The following RIPOR2 variants were observed in gnomAD, a reference collection of about 807,000 sequenced individuals.
RIPOR2 encodes the protein RHO family interacting cell polarization regulator 2.
Under a neutral mutation model 114.5 loss-of-function variants are expected in RIPOR2, and 39 were observed. That is an observed-to-expected ratio of 0.34 (90% CI 0.26 to 0.44). RIPOR2 has a LOEUF of 0.44. RIPOR2 is among the 20% of genes least tolerant of loss of function. The pLI, the probability that RIPOR2 is intolerant of heterozygous loss-of-function variation, is 1.00. For synonymous variants in RIPOR2, 445 were observed against 484.4 expected, an observed-to-expected ratio of 0.92 and a Z score of 1.07; for missense variants, 1,007 against 1,255.1, an observed-to-expected ratio of 0.80 and a Z score of 2.99.
intron 1 of RIPOR2, among the ~76,000 whole-genome samples, chr6:24,885,074 C>A (rs1766702212): frequency 6.6e-6 from 1 of 152,024 alleles, no homozygotes; most frequent in Non-Finnish European, 1.5e-5. Flanking sequence ...GTCCAAGATC[C>A]AAAGACAACC....
At chr6:24,864,321 C>T (rs1764370506) in intron 7 of RIPOR2, among the ~76,000 whole-genome samples, 1 of 152,106 alleles carries the variant, frequency 6.6e-6, no homozygotes, top group African/African-American at 2.4e-5. Flanking sequence ...CAGAGCAAGA[C>T]TCTATCTCTC....
intron 1 of RIPOR2, among the ~76,000 whole-genome samples, chr6:24,918,420 T>C (rs1308345150): frequency 6.6e-6 from 1 of 152,220 alleles, no homozygotes; most frequent in Non-Finnish European, 1.5e-5. Context: ...TCATTTCTCT[T>C]TCCATTGTAG....
At chr6:24,977,082 C>A in intron 1 of RIPOR2, 1 of 1,208,422 alleles carries the variant, frequency 8.3e-7, no homozygotes, top group Admixed American at 1.8e-5. Context: ...TATCTTTGTG[C>A]TCTTGCTGCA....
intron 1 of RIPOR2, among the ~76,000 whole-genome samples, chr6:24,993,006 A>T (rs1293863178): frequency 1.3e-5 from 2 of 152,192 alleles, no homozygotes; most frequent in Non-Finnish European, 2.9e-5. Context: ...TGAATGGAAG[A>T]CAAATTTGTT....
At position 24,861,256 on chromosome 6, in the gene RIPOR2, G is replaced by A. The variant is rs12664127; in HGVS notation, c.652-220C>T. On this transcript the variant is annotated intron_variant, in intron 7 of 21. Transcript: ENST00000643898. ...GGAAATTTAGGGCATAGATGAGCAA[G>A]TCAGATTATATCAAAAATAGACACA... Among the ~76,000 whole-genome samples, 32,460 of 152,106 alleles carry A rather than the reference G, an allele frequency of 0.21. 4,032 individuals are homozygous for A. The highest frequency in any genetic ancestry group is 0.33 in the East Asian group (1,727 of 5,178).
At chr6:24,953,922 T>C (rs147740590) in intron 1 of RIPOR2, among the ~76,000 whole-genome samples, 471 of 152,326 alleles carry the variant, frequency 3.1e-3, no homozygotes, top group African/African-American at 9.3e-3. Flanking sequence ...TCATTAAATT[T>C]GTCTGCTTTT....
Position 24,912,338 on chromosome 6 carries a change from A to AACCCC in RIPOR2, c.61+23495_61+23499dup, listed in dbSNP as rs139349220. ...CATTGATCCTTTTATTTCCCTTGCC[A>AACCCC]ACCCCACCCTGCAACTTATCTGCAA... On this transcript the variant is annotated intron_variant, in intron 1 of 21. Coordinates refer to ENST00000643898, the MANE Select transcript of RIPOR2 (RefSeq NM_001286445.3). Among the ~76,000 whole-genome samples the AACCCC allele has an allele frequency of 6.7e-3, 1,026 of 152,230 alleles. 17 individuals are homozygous for AACCCC. Among genetic ancestry groups the AACCCC allele is most frequent in the African/African-American group, 0.022 (911 of 41,530 alleles).
At position 24,835,826 on chromosome 6, in the gene RIPOR2, C is replaced by T. The variant is rs905211685; in HGVS notation, c.2085G>A (p.Ala695=). The part of the protein sequence containing the change: ...HPEARGHLSE[A]LTEDTGVGTS... ...TCCCAACTCCTGTGTCTTCAGTGAG[C>T]GCTTCACTGAGATGCCCCCTGGCTT... Residue 695 remains alanine (A), a synonymous_variant, in exon 15 of 22, where the codon GCG becomes GCA. Transcript: ENST00000643898. 9.7e-6 allele frequency: 15 copies of T among 1,551,384 alleles called. No individual in the cohort carries two copies. Among genetic ancestry groups the T allele is most frequent in the Non-Finnish European group, 1.1e-5 (13 of 1,146,926 alleles).
intron 1 of RIPOR2, among the ~76,000 whole-genome samples, chr6:24,944,097 T>C (rs777097850): frequency 1.3e-5 from 2 of 152,158 alleles, no homozygotes; most frequent in Admixed American, 1.3e-4. Flanking sequence ...CACATATTCC[T>C]GGGAATCTAG....
chr6:24,858,377 C>T lies in RIPOR2; in HGVS notation c.715+2596G>A, dbSNP rs768945452. Among the ~76,000 whole-genome samples, 9 of 152,002 alleles carry T rather than the reference C, an allele frequency of 5.9e-5. No individual in the cohort carries two copies. The highest frequency in any genetic ancestry group is 1.2e-4 in the Non-Finnish European group (8 of 68,006). Reference sequence around the variant, plus strand: ...AAGGGAAGTGAGGAAGGGTGTGGCACGAGGAAGTTAGTGGTTGCCAGGTCT... The same window carrying T: ...AAGGGAAGTGAGGAAGGGTGTGGCATGAGGAAGTTAGTGGTTGCCAGGTCT... On this transcript the variant is annotated intron_variant, in intron 8 of 21. Coordinates refer to ENST00000643898, the MANE Select transcript of RIPOR2 (RefSeq NM_001286445.3). The surrounding 1 kb of genome is among the most constrained non-coding windows in gnomAD (Gnocchi z 4.0).
chr6:24,834,823 T>C (rs942885321), intron 15 of RIPOR2, among the ~76,000 whole-genome samples: 1 of 152,100 alleles, frequency 6.6e-6, no homozygotes, highest in African/African-American at 2.4e-5. Flanking sequence ...GAGGTTTCAC[T>C]CTGTTGACCA....
chr6:24,903,831 T>A (rs1768704062), intron 1 of RIPOR2, among the ~76,000 whole-genome samples: 1 of 152,256 alleles, frequency 6.6e-6, no homozygotes, highest in South Asian at 2.1e-4. Context: ...ATCTCAGGCA[T>A]CCACTTGTGT....
At chr6:24,996,337 T>A (rs1775044857) in intron 1 of RIPOR2, among the ~76,000 whole-genome samples, 1 of 152,218 alleles carries the variant, frequency 6.6e-6, no homozygotes, top group Admixed American at 6.5e-5. Context: ...TTATTTGATT[T>A]ATGACCCTGG....
At chr6:25,023,165 A>G (rs1036398991) in intron 1 of RIPOR2, 2 of 585,248 alleles carry the variant, frequency 3.4e-6, no homozygotes, top group African/African-American at 1.9e-5. Context: ...ACAAGTCACA[A>G]TTACAAATTA....
chr6:24,822,473 G>T (rs919932523), intron 19 of RIPOR2, among the ~76,000 whole-genome samples: 2 of 151,500 alleles, frequency 1.3e-5, no homozygotes, highest in Non-Finnish European at 2.9e-5. Flanking sequence ...TTAATTTTGG[G>T]GTTACTGAAT....
At chr6:24,903,567 T>C (rs1461405596) in intron 1 of RIPOR2, among the ~76,000 whole-genome samples, 1 of 150,114 alleles carries the variant, frequency 6.7e-6, no homozygotes, top group African/African-American at 2.4e-5. Flanking sequence ...AATCTCCAGA[T>C]AGCAACTTCT....
In RIPOR2 at chr6:25,041,599, C is replaced by T. The variant is rs575226088; in HGVS notation, c.76+252G>A. Among the ~76,000 whole-genome samples the T allele has an allele frequency of 1.8e-4, 27 of 152,326 alleles. No individual in the cohort carries two copies. In the South Asian group the frequency reaches 4.8e-3, roughly 27 times the overall value. On this transcript the variant is annotated intron_variant, in intron 1 of 13. Coordinates refer to the RIPOR2 transcript ENST00000510784. ...AATAAAGAAAAGAGGCCCTGTGGCC[C>T]TGTCTTGCTCACCACTTGAAACAAA...
chr6:24,959,373 T>C (rs1414965663), intron 1 of RIPOR2, among the ~76,000 whole-genome samples: 6 of 152,164 alleles, frequency 3.9e-5, no homozygotes, highest in Non-Finnish European at 1.5e-5. Context: ...GAGAGCAAAA[T>C]CTGTGATGTC....
intron 1 of RIPOR2, among the ~76,000 whole-genome samples, chr6:25,031,731 AT>A (rs1561855770): frequency 0.01 from 1,116 of 110,608 alleles, 40 homozygotes; most frequent in Non-Finnish European, 0.016. Flanking sequence ...ATATATATAT[AT>A]ATATATATAT....
Sources: allele counts gnomAD v4.1 joint callset (sites outside exome capture counted in the v4.1 genomes callset), GRCh38; gene constraint gnomAD v4.1.1; non-coding constraint Gnocchi (gnomAD v3.1); transcripts MANE v1.5; gene names NCBI Gene and HGNC (gene_info 2026-07-23, HGNC 2026-07-21).